Variants in GOLGA8S observed in about 807,000 individuals in gnomAD.
GOLGA8S encodes the protein golgin subfamily A member 8S.
Under a neutral mutation model 58.9 loss-of-function variants are expected in GOLGA8S, and 23 were observed. That is an observed-to-expected ratio of 0.39 (90% confidence interval 0.28 to 0.55). GOLGA8S has a LOEUF of 0.55. GOLGA8S is among the 20% of genes least tolerant of loss of function. The pLI is 0.63. For missense variants in GOLGA8S, 266 were observed against 514.2 expected (o/e 0.52, Z 4.67); for synonymous variants, 84 against 195.7 (o/e 0.43, Z 4.76).
At chr15:23,367,780 A>G (rs981895451), downstream of GOLGA8S, among the ~76,000 whole-genome samples, 3 of 151,950 alleles carry the variant, frequency 2.0e-5, no homozygotes, top group Non-Finnish European at 4.4e-5. Flanking sequence ...GAAACATAGA[A>G]TTTTAAAATG....
Position 23,364,275 on chromosome 15 carries a change from C to A in GOLGA8S, c.1348-68C>A, listed in dbSNP as rs1349020293. On this transcript the variant is annotated intron_variant, in intron 15 of 18. Coordinates refer to ENST00000562295, the Ensembl canonical transcript of GOLGA8S. ...ATGCCAGGACTCACCTCCACCTTCTCCATGACTTGAAAATGCCACCTGAGG... is the reference window on the plus strand; with the variant it reads ...ATGCCAGGACTCACCTCCACCTTCTACATGACTTGAAAATGCCACCTGAGG... 6.3e-6 allele frequency: 10 copies of A among 1,587,498 alleles called. No individual in the cohort carries two copies. In the African/African-American group the frequency reaches 1.3e-4, roughly 21 times the overall value.
chr15:23,360,540 C>G lies in GOLGA8S; in HGVS notation c.786+8C>G, dbSNP rs1344180868. Reference sequence around the variant, plus strand: ...AGAAAAATGTCGCAGGAGGTGAGATCTGACCCTTCAGCCCCCCCACATTAG... The same window carrying G: ...AGAAAAATGTCGCAGGAGGTGAGATGTGACCCTTCAGCCCCCCCACATTAG... On this transcript the variant is annotated splice_region_variant and intron_variant, in intron 10 of 18. Coordinates refer to ENST00000562295, the Ensembl canonical transcript of GOLGA8S. The G allele has an allele frequency of 1.3e-6, 1 of 787,372 alleles. No homozygotes were observed. The highest frequency in any genetic ancestry group is 2.3e-6 in the Non-Finnish European group (1 of 436,984). 48.8% of individuals were successfully genotyped at this position (787,372 alleles called of 1,614,324 possible).
rs571871456 is a variant in GOLGA8S, at chr15:23,363,637, A to G, written c.1256-41A>G. 2.9e-3 allele frequency: 1,052 copies of G among 360,512 alleles called. 201 individuals are homozygous for G. Among genetic ancestry groups the G allele is most frequent in the African/African-American group, 0.015 (530 of 34,810 alleles). The allele number at this position is 360,512 out of a possible 1,614,324, so 22.3% of individuals were successfully genotyped here. A position where few individuals can be genotyped will look rare whatever the true frequency, so the allele number is the denominator to read the frequency against. On this transcript the variant is annotated intron_variant, in intron 14 of 18. Coordinates refer to ENST00000562295, the Ensembl canonical transcript of GOLGA8S. ...TGGGCCCACAATACTTCCCTTGTTG[A>G]GTTGTCTGAGGACCCCTCTGGCCAC...
downstream of GOLGA8S, chr15:23,365,183 C>T (rs942663612): frequency 3.9e-5 from 61 of 1,557,298 alleles, 2 homozygotes; most frequent in Middle Eastern, 9.2e-4. Flanking sequence ...AATAAGAAAC[C>T]AAGTTATGGG....
intron 14 of GOLGA8S, 80 bp from the exon 15 acceptor site, chr15:23,363,598 G>C (rs2069844299): frequency 3.1e-6 from 1 of 322,866 alleles, no homozygotes; most frequent in Admixed American, 6.6e-5. Flanking sequence ...ACACAATGAG[G>C]GTGGAGGTAG....
chr15:23,358,295 A>T (rs1337824018), intron 4 of GOLGA8S, among the ~76,000 whole-genome samples, 177 bp from the exon 5 acceptor site: 2 of 152,390 alleles, frequency 1.3e-5, no homozygotes, highest in African/African-American at 4.8e-5. Flanking sequence ...AAAAGCCAAC[A>T]AAGACCCAAA....
At chr15:23,365,396 C>A (rs1425959999), downstream of GOLGA8S, 8 of 589,084 alleles carry the variant, frequency 1.4e-5, no homozygotes, top group African/African-American at 3.7e-5. Flanking sequence ...GCATGCATAT[C>A]GAGTTTGCCC....
At chr15:23,364,471 G>C in intron 16 of GOLGA8S, 28 bp downstream of exon 16, 1 of 1,604,556 alleles carries the variant, frequency 6.2e-7, no homozygotes, top group Middle Eastern at 1.8e-4. Flanking sequence ...GCACAGCAGG[G>C]GGAGCTACAG....
chr15:23,356,256 C>T lies in GOLGA8S; in HGVS notation c.49-335C>T, dbSNP rs2141020435. 1.4e-5 allele frequency among the ~76,000 whole-genome samples: 2 copies of T among 145,214 alleles called. 1 individual carries two copies. Among genetic ancestry groups the T allele is most frequent in the South Asian group, 4.5e-4 (2 of 4,468 alleles). ...CGTGTGAGGATGTATGACTAAACCA[C>T]ATGGCATACAGTTCCTGCCTACTTA... On this transcript the variant is annotated intron_variant, in intron 1 of 18. Transcript: ENST00000562295.
chr15:23,361,176 T>C, intron 11 of GOLGA8S, 45 bp from the exon 12 acceptor site: 2 of 1,163,788 alleles, frequency 1.7e-6, no homozygotes, highest in East Asian at 2.3e-5. Context: ...TTTCTTTTTT[T>C]TTTTTTGGAA....
chr15:23,364,838 G>GC lies in GOLGA8S; in HGVS notation c.1672dup (p.Gln558ProfsTer11), dbSNP rs1567270656. On this transcript the variant is annotated frameshift_variant, in exon 18 of 19. Coordinates refer to ENST00000562295, the Ensembl canonical transcript of GOLGA8S. LOFTEE classifies it high-confidence loss of function. ...TGATGAGCCCGGTCCAGGAGCCCCA[G>GC]CCCCCCAGGAGCTTGGGGCTGCAGA... 6 of 1,507,492 alleles carry GC rather than the reference G, an allele frequency of 4.0e-6. No homozygotes were observed. Among genetic ancestry groups the GC allele is most frequent in the Middle Eastern group, 2.3e-4 (1 of 4,272 alleles). The allele number at this position is 1,507,492 out of a possible 1,614,324, so 93.4% of individuals were successfully genotyped here.
chr15:23,364,343 A>C, exon 16 of GOLGA8S: 2 of 1,602,130 alleles, frequency 1.2e-6, no homozygotes, highest in African/African-American at 1.3e-5. Context: ...TTGGCTCCAG[A>C]GCAGCTTTAT....
intron 11 of GOLGA8S, among the ~76,000 whole-genome samples, 190 bp from the exon 12 acceptor site, chr15:23,361,031 T>C (rs1214962674): frequency 1.3e-5 from 2 of 149,722 alleles, no homozygotes; most frequent in African/African-American, 2.5e-5. Context: ...GCTCTTTCTC[T>C]GAAAGTGCTT....
At position 23,362,982 on chromosome 15, in the gene GOLGA8S, AGT is replaced by A. The variant is rs1383344719; in HGVS notation, c.1180-181_1180-180del. ...TGTGAGAAGGAGGCGCTGTACAGGC[AGT>A]GGCTGCAGCAGACCCAGCTAATGAA... On this transcript the variant is annotated intron_variant, in intron 13 of 18. Coordinates refer to ENST00000562295, the Ensembl canonical transcript of GOLGA8S. Among the ~76,000 whole-genome samples, 6 of 16,294 alleles carry A rather than the reference AGT, an allele frequency of 3.7e-4. 3 individuals carry two copies. The highest frequency in any genetic ancestry group is 1.6e-3 in the Admixed American group (4 of 2,552). 10.7% of individuals were successfully genotyped at this position (16,294 alleles called of 152,430 possible). A position where few individuals can be genotyped will look rare whatever the true frequency, so the allele number is the denominator to read the frequency against.
At chr15:23,368,005 TTA>T (rs748494155), downstream of GOLGA8S, among the ~76,000 whole-genome samples, 3 of 152,086 alleles carry the variant, frequency 2.0e-5, no homozygotes, top group Middle Eastern at 3.4e-3. Context: ...AAACTTTATC[TTA>T]GAGTCATTTT....
In GOLGA8S at chr15:23,354,999, C is replaced by A; in HGVS notation, c.48+106C>A. ...ACTCCCGAGGTTCACCGGACTGGGG[C>A]CCCCACACCAGTGCCTCTGGGCTAC... On this transcript the variant is annotated intron_variant, in intron 1 of 18. Transcript: ENST00000562295. 5 of 413,592 alleles carry A rather than the reference C, an allele frequency of 1.2e-5. 2 individuals are homozygous for A. In the East Asian group the frequency reaches 1.6e-4, roughly 13 times the overall value. The allele number at this position is 413,592 out of a possible 1,614,324, so 25.6% of individuals were successfully genotyped here. A position where few individuals can be genotyped will look rare whatever the true frequency, so the allele number is the denominator to read the frequency against.
At chr15:23,359,412 G>C (rs1305078413) in intron 8 of GOLGA8S, among the ~76,000 whole-genome samples, 2 of 146,890 alleles carry the variant, frequency 1.4e-5, no homozygotes, top group African/African-American at 5.1e-5. Flanking sequence ...TGGGGACAAA[G>C]CACAGGACGT....
Position 23,360,673 on chromosome 15 carries a change from C to A in GOLGA8S, c.787-55C>A, listed in dbSNP as rs1300987476. ...TGGGGGCAGAGAGGGAGAGGGCAGC[C>A]TGTCCAGCCTCCAGCCCCTCTCTCC... On this transcript the variant is annotated intron_variant, in intron 10 of 18. Coordinates refer to ENST00000562295, the Ensembl canonical transcript of GOLGA8S. 35 of 1,210,648 alleles carry A rather than the reference C, an allele frequency of 2.9e-5. 4 individuals are homozygous for A. The highest frequency in any genetic ancestry group is 4.8e-4 in the Middle Eastern group (2 of 4,188). 75.0% of individuals were successfully genotyped at this position (1,210,648 alleles called of 1,614,324 possible). A position where few individuals can be genotyped will look rare whatever the true frequency, so the allele number is the denominator to read the frequency against.
At chr15:23,362,700 A>C (rs1297255584) in intron 13 of GOLGA8S, among the ~76,000 whole-genome samples, 1 of 142,800 alleles carries the variant, frequency 7.0e-6, no homozygotes, top group Admixed American at 6.9e-5. Flanking sequence ...AAAGCAAGGC[A>C]GTCACTTAGG....
Sources: allele counts gnomAD v4.1 joint callset (sites outside exome capture counted in the v4.1 genomes callset), GRCh38; gene constraint gnomAD v4.1.1; transcripts MANE v1.5; gene names NCBI Gene and HGNC (gene_info 2026-07-23, HGNC 2026-07-21).